Variants in WDR72 observed in about 807,000 individuals in gnomAD.
The protein encoded by WDR72 is WD repeat-containing protein 72.
In WDR72, 120 loss-of-function variants were observed where a neutral mutation model predicts 124.2. That is an observed-to-expected ratio of 0.97 (90% CI 0.83 to 1.12). WDR72 has a LOEUF of 1.12. Among genes scored for constraint, WDR72 ranks in the 50% most tolerant of loss-of-function variants. The pLI, the probability that WDR72 is intolerant of heterozygous loss-of-function variation, is 0.00. For synonymous variants in WDR72, 452 were observed against 441.7 expected, an observed-to-expected ratio of 1.02 and a Z score of -0.29; for missense variants, 1,387 against 1,278.8, an observed-to-expected ratio of 1.08 and a Z score of -1.29.
At chr15:53,654,256 T>C (rs997111452) in intron 14 of WDR72, among the ~76,000 whole-genome samples, 1 of 152,226 alleles carries the variant, frequency 6.6e-6, no homozygotes, top group African/African-American at 2.4e-5. Context: ...ATATGATGTA[T>C]CATTCATACA....
chr15:53,664,632 T>C (rs1235689337), intron 14 of WDR72, among the ~76,000 whole-genome samples: 1 of 151,510 alleles, frequency 6.6e-6, no homozygotes, highest in Non-Finnish European at 1.5e-5. Context: ...ATGAACAATA[T>C]GTAATTAAAA....
At chr15:53,678,822 T>G (rs1297893813) in intron 13 of WDR72, among the ~76,000 whole-genome samples, 1 of 152,180 alleles carries the variant, frequency 6.6e-6, no homozygotes, top group Non-Finnish European at 1.5e-5. Context: ...CAAAATTGAC[T>G]GAAAACAACG....
chr15:53,728,903 C>T (rs1192780731), intron 2 of WDR72, among the ~76,000 whole-genome samples: 1 of 152,128 alleles, frequency 6.6e-6, no homozygotes, highest in African/African-American at 2.4e-5. Context: ...GACACTTATT[C>T]TCTAGCTCCC....
At chr15:53,743,598 C>T (rs2018565361) in intron 1 of WDR72, among the ~76,000 whole-genome samples, 1 of 152,138 alleles carries the variant, frequency 6.6e-6, no homozygotes, top group African/African-American at 2.4e-5. Context: ...CTAGAAAAAG[C>T]CATATGCAAT....
chr15:53,642,633 C>T (rs74015845), intron 14 of WDR72, among the ~76,000 whole-genome samples: 2,023 of 152,100 alleles, frequency 0.013, 48 homozygotes, highest in African/African-American at 0.047. Context: ...ATTAGTGATA[C>T]ATGAAAACTG....
intron 11 of WDR72, 141 bp from the exon 12 acceptor site, chr15:53,702,495 T>C: frequency 2.9e-6 from 2 of 679,174 alleles, no homozygotes; most frequent in East Asian, 5.4e-5. Context: ...CTAGTGAACA[T>C]CCTTAGATCA....
chr15:53,753,085 G>C (rs1354691658), intron 1 of WDR72, among the ~76,000 whole-genome samples: 1 of 152,098 alleles, frequency 6.6e-6, no homozygotes, highest in Non-Finnish European at 1.5e-5. Flanking sequence ...GGCTGTCAAC[G>C]GGTCATCCCT....
intron 14 of WDR72, among the ~76,000 whole-genome samples, chr15:53,627,938 C>T (rs1300202686): frequency 2.0e-5 from 3 of 152,104 alleles, no homozygotes; most frequent in Non-Finnish European, 4.4e-5. Flanking sequence ...TCAGCTAACT[C>T]ATCAGATTAA....
intron 14 of WDR72, among the ~76,000 whole-genome samples, chr15:53,661,359 G>A (rs1277702615): frequency 6.6e-6 from 1 of 152,100 alleles, no homozygotes; most frequent in Non-Finnish European, 1.5e-5. Flanking sequence ...GAGATCACAT[G>A]GTGAAAAGGG....
Position 53,702,346 on chromosome 15 carries a change from G to T in WDR72, c.1357C>A (p.Pro453Thr), listed in dbSNP as rs2017208937. 6 of 1,612,100 alleles carry T rather than the reference G, an allele frequency of 3.7e-6. No homozygotes were observed. Among genetic ancestry groups the T allele is most frequent in the Non-Finnish European group, 5.1e-6 (6 of 1,178,326 alleles). Reference sequence around the variant, plus strand: ...TGGTGGCCTTTAAGAACTTTATGAGGGGGAGAATCTGAAAAACAATGAAAC... The same window carrying T: ...TGGTGGCCTTTAAGAACTTTATGAGTGGGAGAATCTGAAAAACAATGAAAC... The part of the protein sequence containing the change: ...EGGSLVKDSP[P>T]HKVLKGHHQS... Residue 453 changes from proline (P) to threonine (T), a missense_variant, in exon 12 of 20, where the codon CCT (proline) becomes ACT (threonine). Physicochemically the swap from Pro to Thr is conservative, Grantham distance 38 (BLOSUM62 -1). Transcript: ENST00000360509.
intron 17 of WDR72, among the ~76,000 whole-genome samples, chr15:53,608,305 T>C (rs1360871108): frequency 6.6e-6 from 1 of 152,052 alleles, no homozygotes; most frequent in Non-Finnish European, 1.5e-5. Context: ...AAAGAAAACA[T>C]GGTACACATA....
intron 18 of WDR72, among the ~76,000 whole-genome samples, chr15:53,547,798 A>T (rs1893545298): frequency 6.6e-6 from 1 of 152,194 alleles, no homozygotes; most frequent in African/African-American, 2.4e-5. Context: ...GTAATGATAG[A>T]GGAATTGATC....
chr15:53,736,394 AG>A (rs1301708013), intron 1 of WDR72, among the ~76,000 whole-genome samples: 4 of 152,172 alleles, frequency 2.6e-5, no homozygotes, highest in African/African-American at 9.7e-5. Context: ...TAATGTATAC[AG>A]GGCTGTCTGG....
intron 18 of WDR72, among the ~76,000 whole-genome samples, chr15:53,591,580 G>A (rs928794444): frequency 1.2e-4 from 18 of 151,746 alleles, no homozygotes; most frequent in Admixed American, 2.6e-4. Flanking sequence ...GCTTGTACAC[G>A]CTATTAGCAT....
upstream of WDR72, among the ~76,000 whole-genome samples, chr15:53,761,024 T>C (rs752855512): frequency 6.6e-6 from 1 of 152,106 alleles, no homozygotes; most frequent in Non-Finnish European, 1.5e-5. Flanking sequence ...CTCCAGAGAC[T>C]GAGGCAGGAG....
At chr15:53,666,984 C>T (rs2015800965) in intron 13 of WDR72, among the ~76,000 whole-genome samples, 1 of 152,184 alleles carries the variant, frequency 6.6e-6, no homozygotes, top group Non-Finnish European at 1.5e-5. Flanking sequence ...AACATTTCTA[C>T]ATTCATAAAT....
chr15:53,758,780 G>C (rs1182476790), intron 1 of WDR72, among the ~76,000 whole-genome samples: 2 of 118,812 alleles, frequency 1.7e-5, no homozygotes, highest in African/African-American at 2.9e-5. Flanking sequence ...GGGGGGGGGG[G>C]GGCGGTGCGG....
chr15:53,732,960 A>G, intron 2 of WDR72, 37 bp downstream of exon 2: 1 of 1,613,406 alleles, frequency 6.2e-7, no homozygotes, highest in Non-Finnish European at 8.5e-7. Flanking sequence ...GTATTTTGTG[A>G]GTGGTGTCTG....
intron 18 of WDR72, 34 bp downstream of exon 18, chr15:53,597,045 G>A (rs765464728): frequency 8.7e-6 from 14 of 1,604,420 alleles, no homozygotes; most frequent in Non-Finnish European, 1.1e-5. Context: ...GAAAAGTTCT[G>A]TTGAAAGAGT....
Sources: allele counts gnomAD v4.1 joint callset (sites outside exome capture counted in the v4.1 genomes callset), GRCh38; gene constraint gnomAD v4.1.1; transcripts MANE v1.5; gene names NCBI Gene and HGNC (gene_info 2026-07-23, HGNC 2026-07-21).